The following PUDP variants were observed in gnomAD, a reference collection of about 807,000 sequenced individuals.
PUDP encodes the protein pseudouridine-5'-phosphatase.
Under a neutral mutation model 9.4 loss-of-function variants are expected in PUDP, and 8 were observed. That is an observed-to-expected ratio of 0.85 (90% CI 0.50 to 1.53). The LOEUF is 1.53. PUDP is among the 40% of genes most tolerant of loss of function. The pLI is 0.00. For synonymous variants in PUDP, 99 were observed against 80.7 expected, an observed-to-expected ratio of 1.23 and a Z score of -1.22; for missense variants, 188 against 189.7, an observed-to-expected ratio of 0.99 and a Z score of 0.05.
intron 3 of PUDP, among the ~76,000 whole-genome samples, chrX:6,873,006 A>T (rs926080472): frequency 9.1e-6 from 1 of 110,469 alleles, no homozygotes; most frequent in African/African-American, 3.3e-5. Flanking sequence ...ACATAAAAAC[A>T]TCAGGTGGGA....
intron 1 of PUDP, among the ~76,000 whole-genome samples, chrX:7,146,300 T>C (rs1334902918): frequency 8.9e-6 from 1 of 112,142 alleles, no homozygotes; most frequent in African/African-American, 3.2e-5. Flanking sequence ...AGAATCAGAA[T>C]TAGGCACCAA....
chrX:6,766,355 A>G (rs1192156020), intron 3 of PUDP, among the ~76,000 whole-genome samples: 1 of 111,896 alleles, frequency 8.9e-6, no homozygotes, highest in Non-Finnish European at 1.9e-5. Context: ...TATCTGGGAT[A>G]CTCTAAACCA....
intron 3 of PUDP, among the ~76,000 whole-genome samples, chrX:6,791,674 G>A (rs749345875): frequency 9.0e-6 from 1 of 111,635 alleles, no homozygotes; most frequent in African/African-American, 3.3e-5. Flanking sequence ...AGCTAGAAAA[G>A]CAAGGAAATA....
At chrX:6,873,993 G>A (rs868778560) in intron 3 of PUDP, among the ~76,000 whole-genome samples, 1 of 110,970 alleles carries the variant, frequency 9.0e-6, no homozygotes, top group African/African-American at 3.3e-5. Context: ...AGGTATGGTG[G>A]TGCATGCCTG....
intron 3 of PUDP, among the ~76,000 whole-genome samples, chrX:6,906,512 C>T (rs956316444): frequency 1.8e-5 from 2 of 112,151 alleles, no homozygotes; most frequent in Non-Finnish European, 3.8e-5. Context: ...CGAACGCAGG[C>T]GCTTCTTGTC....
Position 7,050,484 on chromosome X carries a change from A to C in PUDP, c.511-12T>G. ...TCAAAGACAAGGCACTGTAGGAAGAAAAAGAAAGTCGAGATGGCCTTTTAT... is the reference window on the plus strand; with the variant it reads ...TCAAAGACAAGGCACTGTAGGAAGACAAAGAAAGTCGAGATGGCCTTTTAT... On this transcript the variant is annotated splice_polypyrimidine_tract_variant and intron_variant, in intron 3 of 3. Transcript: ENST00000381077. 4 of 1,204,168 alleles carry C rather than the reference A, an allele frequency of 3.3e-6. No homozygotes were observed. The highest frequency in any genetic ancestry group is 4.5e-6 in the Non-Finnish European group (4 of 889,988).
At chrX:6,971,490 C>G (rs762124052) in intron 3 of PUDP, among the ~76,000 whole-genome samples, 193 of 106,079 alleles carry the variant, frequency 1.8e-3, no homozygotes, top group South Asian at 3.1e-3. Flanking sequence ...AATCTCGGCT[C>G]ACTGCAAGCT....
chrX:6,774,661 T>C lies in PUDP; in HGVS notation c.*248-68195A>G, dbSNP rs570027081. Among the ~76,000 whole-genome samples the C allele has an allele frequency of 2.2e-4, 25 of 111,898 alleles. No individual in the cohort carries two copies. The South Asian group carries it at 8.4e-3, about 37-fold the overall frequency. ...TCTCTGTTTCTGACAAGCTCCCAGGTAGGGTTGCTGTGGCTGGTTCATGGA... is the reference window on the plus strand; with the variant it reads ...TCTCTGTTTCTGACAAGCTCCCAGGCAGGGTTGCTGTGGCTGGTTCATGGA... On this transcript the variant is annotated intron_variant and NMD_transcript_variant, in intron 3 of 3. Coordinates refer to the PUDP transcript ENST00000655425.
intron 3 of PUDP, among the ~76,000 whole-genome samples, chrX:6,816,849 TAC>T (rs1246660721): frequency 3.2e-5 from 3 of 95,111 alleles, no homozygotes; most frequent in Non-Finnish European, 4.0e-5. Flanking sequence ...ATACAATATA[TAC>T]ACACATACAG....
At chrX:6,928,880 G>T (rs1208433989) in intron 3 of PUDP, among the ~76,000 whole-genome samples, 2 of 111,665 alleles carry the variant, frequency 1.8e-5, no homozygotes, top group African/African-American at 6.5e-5. Flanking sequence ...CAGCCTGGGT[G>T]AAAGAGCAAG....
At chrX:7,111,394 C>T (rs922936943) in intron 1 of PUDP, among the ~76,000 whole-genome samples, 1 of 109,971 alleles carries the variant, frequency 9.1e-6, no homozygotes, top group Admixed American at 9.7e-5. Context: ...CTCAGCTGCA[C>T]GCCCTGGGAC....
intron 1 of PUDP, among the ~76,000 whole-genome samples, chrX:6,978,566 A>T (rs1928988567): frequency 8.9e-6 from 1 of 112,336 alleles, no homozygotes; most frequent in Non-Finnish European, 1.9e-5. Flanking sequence ...AAAGGTTGTT[A>T]AAAATGTTTA....
chrX:6,785,347 T>C, intron 3 of PUDP, among the ~76,000 whole-genome samples: 1 of 112,604 alleles, frequency 8.9e-6, no homozygotes, highest in East Asian at 2.8e-4. Context: ...CTGCAAATGC[T>C]TTCCATACAG....
rs1928413211 is a variant in PUDP at position 6,942,483 on chromosome X, C to T, written c.*247+34650G>A. On this transcript the variant is annotated intron_variant and NMD_transcript_variant, in intron 3 of 3. Transcript: ENST00000655425. ...TCCAGATAGGGAAGGATAAGTTGCT[C>T]TTTCTGCATTTGCTGCTTCTTAATT... 2.7e-5 allele frequency among the ~76,000 whole-genome samples: 3 copies of T among 111,728 alleles called. 1 individual carries two copies. The highest frequency in any genetic ancestry group is 7.6e-4 in the South Asian group (2 of 2,649).
At position 6,776,809 on chromosome X, in the gene PUDP, A is replaced by C. The variant is rs191489148; in HGVS notation, c.*248-70343T>G. Among the ~76,000 whole-genome samples, 378 of 112,672 alleles carry C rather than the reference A, an allele frequency of 3.4e-3. 1 individual carries two copies. Among genetic ancestry groups the C allele is most frequent in the Non-Finnish European group, 4.8e-3 (258 of 53,363 alleles). ...TTAATATAAAACAAGCCCACTATGC[A>C]CTTAATCATTATATCTGGGGCCATT... On this transcript the variant is annotated intron_variant and NMD_transcript_variant, in intron 3 of 3. Coordinates refer to the PUDP transcript ENST00000655425.
At chrX:6,751,875 A>AG (rs1925093625) in intron 3 of PUDP, among the ~76,000 whole-genome samples, 1 of 111,113 alleles carries the variant, frequency 9.0e-6, no homozygotes, top group Non-Finnish European at 1.9e-5. Flanking sequence ...AGTTTTGAGA[A>AG]GTCAGAATTA....
intron 1 of PUDP, among the ~76,000 whole-genome samples, chrX:7,117,951 C>T (rs751635273): frequency 8.8e-6 from 1 of 113,244 alleles, no homozygotes; most frequent in African/African-American, 3.2e-5. Flanking sequence ...TGTAGGCACA[C>T]AAGCCACACG....
At chrX:6,878,258 G>T (rs987941463) in intron 3 of PUDP, among the ~76,000 whole-genome samples, 4 of 107,678 alleles carry the variant, frequency 3.7e-5, no homozygotes, top group African/African-American at 1.3e-4. Context: ...TAAATATTAG[G>T]TTTCTCTCTG....
At position 6,808,295 on chromosome X, in the gene PUDP, T is replaced by C. The variant is rs1008577580; in HGVS notation, c.*248-101829A>G. Among the ~76,000 whole-genome samples, 4 of 112,366 alleles carry C rather than the reference T, an allele frequency of 3.6e-5. No individual in the cohort carries two copies. The East Asian group carries it at 1.1e-3, about 31-fold the overall frequency. On this transcript the variant is annotated intron_variant and NMD_transcript_variant, in intron 3 of 3. Coordinates refer to the PUDP transcript ENST00000655425. ...ATTTCAACAACTTGTATTTTTGCTC[T>C]CACATCTTAAGAATATCCACGTTCC...
Sources: allele counts gnomAD v4.1 joint callset (sites outside exome capture counted in the v4.1 genomes callset), GRCh38; gene constraint gnomAD v4.1.1; transcripts MANE v1.5; gene names NCBI Gene and HGNC (gene_info 2026-07-23, HGNC 2026-07-21).